The following TGM3 variants were observed in gnomAD, a reference collection of about 807,000 sequenced individuals.
TGM3 encodes transglutaminase 3.
A neutral mutation model predicts 73.8 loss-of-function variants in TGM3; 52 were observed. The observed-to-expected ratio is 0.70, with a 90% CI of 0.56 to 0.89. The LOEUF (loss-of-function observed/expected upper bound fraction) is 0.89. Among genes scored for constraint, TGM3 ranks in the 40% least tolerant of loss-of-function variants. The probability of loss-of-function intolerance (pLI) is 0.00; values close to 1 mark genes in which losing one functional copy is unlikely to be tolerated. For missense variants in TGM3, 928 were observed against 909.9 expected (o/e 1.02, Z -0.26); for synonymous variants, 372 against 354.9 (o/e 1.05, Z -0.54).
Position 2,325,848 on chromosome 20 carries a change from G to A in TGM3, c.984-1G>A. The A allele has an allele frequency of 6.4e-7, 1 of 1,556,142 alleles. No individual in the cohort carries two copies. The highest frequency in any genetic ancestry group is 8.7e-7 in the Non-Finnish European group (1 of 1,148,304). ...GCTGCAGTCTCTGGTTCTATCTGCA[G>A]GAATTTCCATGTCTGGAATGAAGGC... On this transcript the variant is annotated splice_acceptor_variant, in intron 7 of 12. Coordinates refer to ENST00000381458, the MANE Select transcript of TGM3 (RefSeq NM_003245.4). LOFTEE classifies it high-confidence loss of function.
intron 7 of TGM3, among the ~76,000 whole-genome samples, chr20:2,322,461 T>C (rs1600701879): frequency 6.6e-6 from 1 of 152,198 alleles, no homozygotes; most frequent in Non-Finnish European, 1.5e-5. Flanking sequence ...ATTCTCCCTA[T>C]GTCATTAAAA....
chr20:2,333,087 T>C (rs557066210), intron 10 of TGM3, among the ~76,000 whole-genome samples: 1 of 152,228 alleles, frequency 6.6e-6, no homozygotes, highest in Non-Finnish European at 1.5e-5. Flanking sequence ...TGTGCCCACA[T>C]TGGTAAAATC....
chr20:2,310,096 G>A, intron 2 of TGM3, 82 bp from the exon 3 acceptor site: 1 of 1,573,930 alleles, frequency 6.4e-7, no homozygotes, highest in Non-Finnish European at 8.6e-7. Flanking sequence ...ATGTCCCCCA[G>A]AGGGGGGTTG....
intron 9 of TGM3, among the ~76,000 whole-genome samples, chr20:2,331,054 A>G (rs2084318635): frequency 6.6e-6 from 1 of 151,900 alleles, no homozygotes; most frequent in Non-Finnish European, 1.5e-5. Context: ...AAAAAAAGAA[A>G]AGAAAGTCAT....
intron 8 of TGM3, among the ~76,000 whole-genome samples, chr20:2,327,718 T>C (rs2084296236): frequency 6.6e-6 from 1 of 152,150 alleles, no homozygotes; most frequent in East Asian, 1.9e-4. Context: ...AAGAGGTCCC[T>C]GCAGGCTGCC....
chr20:2,330,753 C>A (rs1168497645), intron 9 of TGM3, among the ~76,000 whole-genome samples: 1 of 152,042 alleles, frequency 6.6e-6, no homozygotes, highest in Non-Finnish European at 1.5e-5. Context: ...TGCCTGTAAT[C>A]CCAGCACTTT....
rs973088080 is a variant in TGM3 at position 2,334,566 on chromosome 20, C to T, written c.1643-550C>T. Among the ~76,000 whole-genome samples the T allele has an allele frequency of 8.5e-5, 13 of 152,158 alleles. No individual in the cohort carries two copies. Among genetic ancestry groups the T allele is most frequent in the African/African-American group, 3.1e-4 (13 of 41,434 alleles). Reference sequence around the variant, plus strand: ...TTGTTTAGCCAATACCCTGGCTTCCCTTCCTACCTATTATTGTGTTACTGT... The same window carrying T: ...TTGTTTAGCCAATACCCTGGCTTCCTTTCCTACCTATTATTGTGTTACTGT... On this transcript the variant is annotated intron_variant, in intron 10 of 12. Coordinates refer to ENST00000381458, the MANE Select transcript of TGM3 (RefSeq NM_003245.4). The surrounding 1 kb of genome is among the most constrained non-coding windows in gnomAD (Gnocchi z 4.0).
intron 1 of TGM3, among the ~76,000 whole-genome samples, chr20:2,298,222 AC>A (rs909057563): frequency 3.9e-5 from 6 of 152,056 alleles, no homozygotes; most frequent in African/African-American, 1.4e-4. Flanking sequence ...CCATTATTCC[AC>A]CCCTTGGTGG....
At chr20:2,315,719 C>T (rs1182935253) in intron 5 of TGM3, among the ~76,000 whole-genome samples, 7 of 152,216 alleles carry the variant, frequency 4.6e-5, no homozygotes. Context: ...CAAAAGACAC[C>T]TCAGAGCACC....
intron 5 of TGM3, among the ~76,000 whole-genome samples, chr20:2,313,643 T>TCA (rs1008168341): frequency 1.1e-4 from 11 of 101,438 alleles, no homozygotes; most frequent in Admixed American, 2.4e-4. Flanking sequence ...ACTCACACAA[T>TCA]CACACACACT....
At chr20:2,307,081 A>C (rs1173186196) in intron 1 of TGM3, among the ~76,000 whole-genome samples, 1 of 152,036 alleles carries the variant, frequency 6.6e-6, no homozygotes, top group Non-Finnish European at 1.5e-5. Context: ...TGATTGCACA[A>C]ATGTCTCAGT....
intron 12 of TGM3, 53 bp downstream of exon 12, chr20:2,340,040 G>GGGGC: frequency 1.1e-6 from 1 of 944,848 alleles, no homozygotes; most frequent in Non-Finnish European, 1.6e-6. Flanking sequence ...GGGCGGGGGG[G>GGGGC]CCCTCCAGAT....
chr20:2,313,170 T>G, intron 5 of TGM3, 144 bp downstream of exon 5: 1 of 1,229,738 alleles, frequency 8.1e-7, no homozygotes, highest in Non-Finnish European at 1.1e-6. Context: ...CACATTTTAC[T>G]AACTTGGAGC....
Position 2,340,917 on chromosome 20 carries a change from G to C in TGM3, c.*336G>C, listed in dbSNP as rs1209243677. ...CCTGACCCAGGGACTCTCCAAACGG[G>C]ATACAGGAGAGAAGCTGGTCTAGAC... is the stretch of plus-strand genomic sequence containing the variant. On this transcript the variant is annotated 3_prime_UTR_variant, in exon 13 of 13. Coordinates refer to ENST00000381458, the MANE Select transcript of TGM3 (RefSeq NM_003245.4). 2.0e-6 allele frequency: 1 copy of C among 491,966 alleles called. No homozygotes were observed. The highest frequency in any genetic ancestry group is 4.0e-6 in the Non-Finnish European group (1 of 250,696). 30.5% of individuals were successfully genotyped at this position (491,966 alleles called of 1,614,324 possible). A position where few individuals can be genotyped will look rare whatever the true frequency, so the allele number is the denominator to read the frequency against.
intron 7 of TGM3, among the ~76,000 whole-genome samples, chr20:2,320,265 A>C (rs1282697459): frequency 2.0e-5 from 3 of 152,258 alleles, no homozygotes; most frequent in Non-Finnish European, 4.4e-5. Flanking sequence ...AAGCATTAGA[A>C]GTGCTTAGTA....
rs1171197698 is a variant in TGM3, at chr20:2,328,498, C to T, written c.1333+133C>T. ...TTCTGCCTGAATGATAGGATTGCTC[C>T]CTAGCACCTAACATCCACCTCCCAG... is the stretch of plus-strand genomic sequence containing the variant. On this transcript the variant is annotated intron_variant, in intron 9 of 12. Coordinates refer to ENST00000381458, the MANE Select transcript of TGM3 (RefSeq NM_003245.4). The surrounding 1 kb of genome is among the most constrained non-coding windows in gnomAD (Gnocchi z 5.2). 1.6e-6 allele frequency: 2 copies of T among 1,265,110 alleles called. No individual in the cohort carries two copies. Among genetic ancestry groups the T allele is most frequent in the Admixed American group, 4.3e-5 (2 of 46,506 alleles). The allele number at this position is 1,265,110 out of a possible 1,614,324, so 78.4% of individuals were successfully genotyped here.
intron 1 of TGM3, among the ~76,000 whole-genome samples, chr20:2,303,626 T>C (rs879529250): frequency 3.3e-5 from 5 of 152,204 alleles, no homozygotes; most frequent in Non-Finnish European, 5.9e-5. Context: ...CCAAAAGCTT[T>C]TGGCCTAAAT....
Position 2,328,512 on chromosome 20 carries a change from TC to T in TGM3, c.1333+149del. ...TAGGATTGCTCCCTAGCACCTAACATCCACCTCCCAGGACTGTTTCCGGAGG... is the reference window on the plus strand; with the variant it reads ...TAGGATTGCTCCCTAGCACCTAACATCACCTCCCAGGACTGTTTCCGGAGG... On this transcript the variant is annotated intron_variant, in intron 9 of 12. Transcript: ENST00000381458. The surrounding 1 kb of genome is among the most constrained non-coding windows in gnomAD (Gnocchi z 5.2). 1.7e-6 allele frequency: 2 copies of T among 1,186,586 alleles called. No individual in the cohort carries two copies. Among genetic ancestry groups the T allele is most frequent in the Non-Finnish European group, 2.3e-6 (2 of 852,634 alleles). 73.5% of individuals were successfully genotyped at this position (1,186,586 alleles called of 1,614,324 possible).
intron 1 of TGM3, among the ~76,000 whole-genome samples, chr20:2,296,702 A>G (rs576571477): frequency 1.6e-4 from 24 of 152,188 alleles, no homozygotes; most frequent in African/African-American, 5.5e-4. Context: ...TCCACAGGAG[A>G]GCACCAGGGA....
Sources: gnomAD v4.1 joint callset for allele counts (sites outside exome capture counted in the v4.1 genomes callset) on GRCh38, gnomAD v4.1.1 for gene constraint, Gnocchi (gnomAD v3.1) non-coding constraint, MANE v1.5 for transcripts, NCBI Gene and HGNC (gene_info 2026-07-23, HGNC 2026-07-21) for gene names.